The following COG6 variants were observed in gnomAD, a reference collection of about 807,000 sequenced individuals.
COG6 encodes the protein conserved oligomeric Golgi complex subunit 6.
In COG6, 74 loss-of-function variants were observed where a neutral mutation model predicts 88.8. The observed-to-expected ratio is 0.83, with a 90% CI of 0.69 to 1.01. The LOEUF (loss-of-function observed/expected upper bound fraction) is 1.01, where lower values mean the gene tolerates loss of function less well. Among genes scored for constraint, COG6 ranks in the 50% least tolerant of loss-of-function variants. The probability of loss-of-function intolerance (pLI) is 0.00; values close to 1 mark genes in which losing one functional copy is unlikely to be tolerated. For missense variants in COG6, 800 were observed against 797.9 expected, an observed-to-expected ratio of 1.00 and a Z score of -0.03; for synonymous variants, 286 against 278.7, an observed-to-expected ratio of 1.03 and a Z score of -0.26.
chr13:39,783,592 G>A (rs1392575574), intron 18 of COG6, among the ~76,000 whole-genome samples: 4 of 152,086 alleles, frequency 2.6e-5, no homozygotes, highest in Non-Finnish European at 5.9e-5. Context: ...TAATGTGCTT[G>A]TGAGATTGAA....
intron 12 of COG6, among the ~76,000 whole-genome samples, chr13:39,697,021 C>A (rs1877313711): frequency 6.7e-6 from 1 of 148,378 alleles, no homozygotes; most frequent in Admixed American, 6.8e-5. Flanking sequence ...GTTTGAACAG[C>A]TGGGTGAATG....
intron 12 of COG6, among the ~76,000 whole-genome samples, chr13:39,695,813 A>G (rs775406342): frequency 5.9e-5 from 9 of 151,970 alleles, no homozygotes; most frequent in Non-Finnish European, 1.3e-4. Context: ...CATCATTCCC[A>G]TAATTCAAAA....
At chr13:39,703,401 G>C (rs1474845342) in intron 13 of COG6, among the ~76,000 whole-genome samples, 2 of 152,230 alleles carry the variant, frequency 1.3e-5, no homozygotes, top group African/African-American at 2.4e-5. Context: ...GCTTGTTCAA[G>C]TCCTTTGCCA....
intron 15 of COG6, among the ~76,000 whole-genome samples, chr13:39,720,503 G>A (rs1407820000): frequency 6.6e-6 from 1 of 151,986 alleles, no homozygotes; most frequent in Non-Finnish European, 1.5e-5. Context: ...AGTGGGTATA[G>A]GAATGAGTTT....
chr13:39,670,299 A>T (rs1312738985), intron 4 of COG6, among the ~76,000 whole-genome samples: 2 of 152,040 alleles, frequency 1.3e-5, no homozygotes, highest in Non-Finnish European at 2.9e-5. Context: ...TACTAAAATC[A>T]CTATTATATT....
intron 13 of COG6, among the ~76,000 whole-genome samples, chr13:39,706,412 A>G (rs1877928723): frequency 6.6e-6 from 1 of 151,378 alleles, no homozygotes; most frequent in Non-Finnish European, 1.5e-5. Flanking sequence ...AGAAAATTAT[A>G]GGACCTTAAA....
intron 18 of COG6, among the ~76,000 whole-genome samples, chr13:39,739,493 C>T (rs1395080657): frequency 6.6e-6 from 1 of 151,908 alleles, no homozygotes; most frequent in African/African-American, 2.4e-5. Flanking sequence ...AAAAGTCATG[C>T]TTAAGTAGGT....
At chr13:39,740,868 G>A (rs545525734) in intron 18 of COG6, among the ~76,000 whole-genome samples, 17 of 152,112 alleles carry the variant, frequency 1.1e-4, no homozygotes, top group Admixed American at 4.6e-4. Context: ...TAGGCTTAAC[G>A]CCTTTTTTTC....
intron 1 of COG6, among the ~76,000 whole-genome samples, chr13:39,657,162 G>T (rs1874569148): frequency 6.6e-6 from 1 of 152,150 alleles, no homozygotes; most frequent in Admixed American, 6.5e-5. Flanking sequence ...CTCCCAAGTA[G>T]CTGGGATTAC....
chr13:39,694,989 A>C (rs1015891358), intron 12 of COG6, among the ~76,000 whole-genome samples: 7 of 142,754 alleles, frequency 4.9e-5, no homozygotes, highest in South Asian at 2.3e-4. Context: ...ACACACACAC[A>C]CCCCTTATAT....
intron 5 of COG6, chr13:39,678,129 C>G (rs1196554704): frequency 2.3e-6 from 1 of 430,946 alleles, no homozygotes; most frequent in Non-Finnish European, 4.6e-6. Context: ...TGCAGTAGCA[C>G]GAACACAGCT....
chr13:39,731,142 G>A (rs1019859473), intron 18 of COG6, among the ~76,000 whole-genome samples: 10 of 151,976 alleles, frequency 6.6e-5, no homozygotes, highest in South Asian at 2.1e-4. Flanking sequence ...TTTAAATTGC[G>A]CTCCTACTAT....
chr13:39,724,775 A>G (rs1184635911), intron 17 of COG6, among the ~76,000 whole-genome samples: 1 of 151,834 alleles, frequency 6.6e-6, no homozygotes, highest in Non-Finnish European at 1.5e-5. Context: ...CTATGCTCTG[A>G]TAGTCTCATC....
chr13:39,674,161 A>T (rs927322444), intron 4 of COG6, among the ~76,000 whole-genome samples: 4 of 151,840 alleles, frequency 2.6e-5, no homozygotes, highest in Non-Finnish European at 5.9e-5. Context: ...TGCTGCACCC[A>T]TTAACTCGTC....
At chr13:39,677,295 C>T (rs933561419) in intron 4 of COG6, among the ~76,000 whole-genome samples, 173 bp from the exon 5 acceptor site, 1 of 152,118 alleles carries the variant, frequency 6.6e-6, no homozygotes, top group Non-Finnish European at 1.5e-5. Flanking sequence ...AATTTTATCA[C>T]CTACATGTCT....
intron 18 of COG6, among the ~76,000 whole-genome samples, chr13:39,763,410 G>T (rs754858803): frequency 2.0e-5 from 3 of 151,818 alleles, no homozygotes; most frequent in African/African-American, 7.2e-5. Context: ...GGTCACCCTT[G>T]TCTTTTTCCA....
rs534811452 is a variant in COG6 at position 39,684,440 on chromosome 13, C to T, written c.788+2176C>T. On this transcript the variant is annotated intron_variant, in intron 8 of 18. Coordinates refer to ENST00000455146, the MANE Select transcript of COG6 (RefSeq NM_020751.3). ...AATTTTTTGTATTTTTTAGTAGAGA[C>T]GGGGTTTCACCGTGTTAGCCAGGAT... 7.9e-5 allele frequency among the ~76,000 whole-genome samples: 12 copies of T among 151,016 alleles called. No homozygotes were observed. In the South Asian group the frequency reaches 1.3e-3, roughly 16 times the overall value.
chr13:39,723,039 T>C (rs1201378172), intron 15 of COG6, among the ~76,000 whole-genome samples: 1 of 152,118 alleles, frequency 6.6e-6, no homozygotes, highest in African/African-American at 2.4e-5. Flanking sequence ...TTTTATACTG[T>C]TGTTGTTTAC....
intron 7 of COG6, among the ~76,000 whole-genome samples, chr13:39,680,888 T>C (rs938729277): frequency 2.0e-5 from 3 of 152,192 alleles, no homozygotes; most frequent in African/African-American, 7.2e-5. Context: ...ACTTGGGTAA[T>C]CTGAGAAAAT....
Sources: allele counts gnomAD v4.1 joint callset (sites outside exome capture counted in the v4.1 genomes callset), GRCh38; gene constraint gnomAD v4.1.1; transcripts MANE v1.5; gene names NCBI Gene and HGNC (gene_info 2026-07-23, HGNC 2026-07-21).